ZNF541: variants seen among roughly 807,000 people sequenced by gnomAD.
The protein encoded by ZNF541 is zinc finger protein 541.
A neutral mutation model predicts 123.5 loss-of-function variants in ZNF541; 23 were observed. The ratio of observed to expected loss-of-function variants is 0.19; its 90% CI spans 0.13 to 0.26. The LOEUF (loss-of-function observed/expected upper bound fraction) is 0.26, where lower values mean the gene tolerates loss of function less well. ZNF541 is among the 10% of genes least tolerant of loss of function. ZNF541 has a pLI of 1.00. For missense variants in ZNF541, 1,612 were observed against 1,789.9 expected, an observed-to-expected ratio of 0.90 and a Z score of 1.79; for synonymous variants, 751 against 754.5, an observed-to-expected ratio of 1.00 and a Z score of 0.08.
At chr19:47,530,753 C>T (rs1969529991) in intron 12 of ZNF541, among the ~76,000 whole-genome samples, 1 of 152,038 alleles carries the variant, frequency 6.6e-6, no homozygotes, top group East Asian at 1.9e-4. Context: ...CAGGTTCAAG[C>T]AATTCTCCTG....
chr19:47,536,466 G>A (rs962531342), intron 9 of ZNF541, among the ~76,000 whole-genome samples: 3 of 152,156 alleles, frequency 2.0e-5, no homozygotes, highest in African/African-American at 7.2e-5. Context: ...TTGAACTCCT[G>A]ACCTTAGGTG....
At chr19:47,534,291 A>G (rs1969715754) in intron 9 of ZNF541, among the ~76,000 whole-genome samples, 1 of 152,222 alleles carries the variant, frequency 6.6e-6, no homozygotes, top group Non-Finnish European at 1.5e-5. Context: ...GTGGGATACC[A>G]TTAAGTACAG....
chr19:47,566,183 A>G (rs1971256065), intron 2 of ZNF541, among the ~76,000 whole-genome samples: 1 of 152,028 alleles, frequency 6.6e-6, no homozygotes, highest in Non-Finnish European at 1.5e-5. Context: ...TCTCAAAAAA[A>G]AATAAAATAA....
At chr19:47,537,812 C>A (rs1048158513) in intron 9 of ZNF541, among the ~76,000 whole-genome samples, 1 of 151,248 alleles carries the variant, frequency 6.6e-6, no homozygotes, top group African/African-American at 2.4e-5. Flanking sequence ...GAGATCGAGG[C>A]TGCAGTGAGC....
intron 5 of ZNF541, among the ~76,000 whole-genome samples, chr19:47,542,734 T>C (rs944503155): frequency 6.6e-6 from 1 of 151,184 alleles, no homozygotes; most frequent in African/African-American, 2.4e-5. Flanking sequence ...GATCACGAGG[T>C]CAGGAGTTCA....
chr19:47,532,949 T>G lies in ZNF541; in HGVS notation c.3118A>C (p.Ile1040Leu), dbSNP rs1192080224. ...TTGGTGTCATCCTTCACCACACAGA[T>G]GCCAAAGGACCCATCCACTTGATCT... is the stretch of plus-strand genomic sequence containing the variant. ...MLDQVDGSFG[I>L]CVVKDDTKIS... is the part of the protein sequence containing the mutation. Residue 1040 changes from isoleucine (I) to leucine (L), a missense_variant, in exon 10 of 17, where the codon ATC (isoleucine) becomes CTC (leucine). By Grantham distance (5) the Ile-to-Leu change is conservative. Coordinates refer to ENST00000391901, the MANE Select transcript of ZNF541 (RefSeq NM_001277075.3). The G allele has an allele frequency of 6.5e-7, 1 of 1,549,980 alleles. No individual in the cohort carries two copies. The highest frequency in any genetic ancestry group is 8.7e-7 in the Non-Finnish European group (1 of 1,146,174).
intron 3 of ZNF541, among the ~76,000 whole-genome samples, chr19:47,550,400 CAAAG>C (rs1035744582): frequency 1.2e-4 from 16 of 139,010 alleles, no homozygotes; most frequent in African/African-American, 3.7e-4. Context: ...AGGAGAGAAG[CAAAG>C]AAAGAAAGGA....
At position 47,545,398 on chromosome 19, in the gene ZNF541, G is replaced by C. The variant is rs901653124; in HGVS notation, c.1131C>G (p.Ala377=). 1 of 1,509,228 alleles carries C rather than the reference G, an allele frequency of 6.6e-7. No individual in the cohort carries two copies. The highest frequency in any genetic ancestry group is 8.9e-7 in the Non-Finnish European group (1 of 1,126,370). The allele number at this position is 1,509,228 out of a possible 1,614,324, so 93.5% of individuals were successfully genotyped here. Residue 377 remains alanine (A), a synonymous_variant, in exon 5 of 17, where the codon GCC becomes GCG. Transcript: ENST00000391901. The surrounding 1 kb of genome is among the most constrained non-coding windows in gnomAD (Gnocchi z 7.5). The stretch of plus-strand genomic sequence containing the variant: ...CGGGCCAGCACTCCGCGGTGGACCG[G>C]GCCTGGAGCAGCGCGGTATCTGGCT... The part of the protein sequence containing the change: ...EPEPDTALLQ[A]RSTAECWPEG...
rs116712522 is a variant in ZNF541 at position 47,550,136 on chromosome 19, C to T, written c.308-651G>A. On this transcript the variant is annotated intron_variant, in intron 3 of 16. Coordinates refer to ENST00000391901, the MANE Select transcript of ZNF541 (RefSeq NM_001277075.3). ...GCATGGTGGTGTGTGTCTGTAATCCCGGCTATTTGGGAGGCTGAGGCACGA... is the reference window on the plus strand; with the variant it reads ...GCATGGTGGTGTGTGTCTGTAATCCTGGCTATTTGGGAGGCTGAGGCACGA... Among the ~76,000 whole-genome samples the T allele has an allele frequency of 9.9e-3, 1,501 of 152,068 alleles. 37 individuals carry two copies. Among genetic ancestry groups the T allele is most frequent in the African/African-American group, 0.034 (1,417 of 41,468 alleles).
At chr19:47,555,333 G>A (rs1235100152) in intron 3 of ZNF541, among the ~76,000 whole-genome samples, 5 of 148,134 alleles carry the variant, frequency 3.4e-5, no homozygotes, top group Non-Finnish European at 7.4e-5. Context: ...TCGCGCCACT[G>A]CACTCCAGCC....
chr19:47,525,876 A>C (rs1305182955), intron 14 of ZNF541, among the ~76,000 whole-genome samples: 1 of 145,856 alleles, frequency 6.9e-6, no homozygotes, highest in Non-Finnish European at 1.5e-5. Flanking sequence ...AGATCTCGCC[A>C]CTGCACTCCA....
At chr19:47,572,628 A>G (rs1292784423) in intron 1 of ZNF541, among the ~76,000 whole-genome samples, 2 of 151,660 alleles carry the variant, frequency 1.3e-5, no homozygotes, top group Non-Finnish European at 2.9e-5. Context: ...AAGTGGGACT[A>G]TGGAGGAGGA....
intron 2 of ZNF541, among the ~76,000 whole-genome samples, chr19:47,562,250 A>G (rs1468979033): frequency 6.6e-6 from 1 of 150,828 alleles, no homozygotes; most frequent in South Asian, 2.1e-4. Flanking sequence ...CTCCCCAAAA[A>G]AAACAAAAAC....
intron 7 of ZNF541, 37 bp from the exon 8 acceptor site, chr19:47,539,915 T>A: frequency 6.6e-7 from 1 of 1,512,652 alleles, no homozygotes; most frequent in South Asian, 1.3e-5. Context: ...CTTTAAGAGA[T>A]AAGGTAGGTG....
In ZNF541 at chr19:47,537,099, C is replaced by T. The variant is rs574628937; in HGVS notation, c.3094+1043G>A. 4.5e-4 allele frequency among the ~76,000 whole-genome samples: 69 copies of T among 152,202 alleles called. 1 individual carries two copies. Among genetic ancestry groups the T allele is most frequent in the African/African-American group, 1.6e-3 (65 of 41,532 alleles). On this transcript the variant is annotated intron_variant, in intron 9 of 16. Transcript: ENST00000391901. ...GAAGAAGGGACTGTGGGGATATGGG[C>T]GGAGTCACTGCTAATGAGCTCTGGC...
rs568904505 is a variant in ZNF541, at chr19:47,539,925, G to A, written c.2623-47C>T. On this transcript the variant is annotated intron_variant, in intron 7 of 16. Coordinates refer to ENST00000391901, the MANE Select transcript of ZNF541 (RefSeq NM_001277075.3). Reference sequence around the variant, plus strand: ...TGGCTCTTTAAGAGATAAGGTAGGTGGGGAAAGGAAGAGCTGCTTCAGCAA... The same window carrying A: ...TGGCTCTTTAAGAGATAAGGTAGGTAGGGAAAGGAAGAGCTGCTTCAGCAA... The A allele has an allele frequency of 9.1e-5, 138 of 1,509,684 alleles. No homozygotes were observed. The East Asian group carries it at 1.1e-3, about 12-fold the overall frequency. 93.5% of individuals were successfully genotyped at this position (1,509,684 alleles called of 1,614,324 possible).
chr19:47,544,085 TC>T, intron 5 of ZNF541, 40 bp downstream of exon 5: 1 of 1,483,112 alleles, frequency 6.7e-7, no homozygotes, highest in East Asian at 2.5e-5. Flanking sequence ...CAAAGGAAAC[TC>T]ACTCCACTCT....
At chr19:47,564,696 C>G (rs1466344732) in intron 2 of ZNF541, among the ~76,000 whole-genome samples, 1 of 152,150 alleles carries the variant, frequency 6.6e-6, no homozygotes, top group Non-Finnish European at 1.5e-5. Context: ...AGAAACCTTT[C>G]TACACTGCTG....
At chr19:47,525,491 G>A (rs1186845861) in intron 14 of ZNF541, among the ~76,000 whole-genome samples, 1 of 151,934 alleles carries the variant, frequency 6.6e-6, no homozygotes, top group African/African-American at 2.4e-5. Context: ...ACATTTTTTT[G>A]TCTTTTCAAC....
Sources: gnomAD v4.1 joint callset for allele counts (sites outside exome capture counted in the v4.1 genomes callset) on GRCh38, gnomAD v4.1.1 for gene constraint, Gnocchi (gnomAD v3.1) non-coding constraint, MANE v1.5 for transcripts, NCBI Gene and HGNC (gene_info 2026-07-23, HGNC 2026-07-21) for gene names.